Variants in MAP4K5 observed in about 807,000 individuals in gnomAD.
MAP4K5 encodes mitogen-activated protein kinase kinase kinase kinase 5, also known as MAPK/ERK kinase kinase kinase 5.
In MAP4K5, 82 loss-of-function variants were observed where a neutral mutation model predicts 135.6. That is an observed-to-expected ratio of 0.60 (90% CI 0.51 to 0.73). MAP4K5 has a LOEUF of 0.73. Among genes scored for constraint, MAP4K5 ranks in the 30% least tolerant of loss-of-function variants. The probability of loss-of-function intolerance (pLI) is 0.00; values close to 1 mark genes in which losing one functional copy is unlikely to be tolerated. For missense variants in MAP4K5, 907 were observed against 1,010.9 expected (o/e 0.90, Z 1.39); for synonymous variants, 347 against 335.0 (o/e 1.04, Z -0.39).
chr14:50,526,829 G>T (rs1441910600), intron 2 of MAP4K5, among the ~76,000 whole-genome samples: 3 of 152,132 alleles, frequency 2.0e-5, no homozygotes, highest in Non-Finnish European at 4.4e-5. Flanking sequence ...TGGAGGAAAA[G>T]AAAGTAAAGG....
At position 50,434,966 on chromosome 14, in the gene MAP4K5, A is replaced by G; in HGVS notation, c.1982T>C (p.Ile661Thr). Residue 661 changes from isoleucine to threonine, a missense_variant, in exon 27 of 33, where the codon ATA becomes ACA. This residue lies in a region of MAP4K5 where 690 missense variants were observed against 777.4 expected (regional missense o/e 0.89). Transcript: ENST00000682126. Reference protein sequence around the residue: ...WYEPMQKFMLIKHFDFPLPSP... With the variant: ...WYEPMQKFMLTKHFDFPLPSP... ...TGTGAACAAAATAATATATACCTTT[A>G]TCAACATGAATTTCTGCATTGGCTC... is the stretch of plus-strand genomic sequence containing the variant. The G allele has an allele frequency of 1.3e-6, 2 of 1,591,444 alleles. No individual in the cohort carries two copies. Among genetic ancestry groups the G allele is most frequent in the African/African-American group, 1.3e-5 (1 of 74,468 alleles).
chr14:50,530,265 C>G (rs1018805628), intron 2 of MAP4K5, among the ~76,000 whole-genome samples: 3 of 152,166 alleles, frequency 2.0e-5, no homozygotes, highest in African/African-American at 7.2e-5. Context: ...GGGTAAAAGG[C>G]AGGCATTAGC....
rs1305010901 is a variant in MAP4K5 at position 50,419,038 on chromosome 14, A to G, written c.*981T>C. 6.6e-6 allele frequency: 1 copy of G among 152,140 alleles called. No individual in the cohort carries two copies. Among genetic ancestry groups the G allele is most frequent in the South Asian group, 2.1e-4 (1 of 4,832 alleles). 9.4% of individuals were successfully genotyped at this position (152,140 alleles called of 1,614,324 possible). A position where few individuals can be genotyped will look rare whatever the true frequency, so the allele number is the denominator to read the frequency against. On this transcript the variant is annotated 3_prime_UTR_variant, in exon 33 of 33. Coordinates refer to ENST00000682126, the MANE Select transcript of MAP4K5 (RefSeq NM_006575.6). Reference sequence around the variant, plus strand: ...ACATATGTGAAAAACCCAAGATTACATGTGTAATTACTTTATAGTTTCCTC... The same window carrying G: ...ACATATGTGAAAAACCCAAGATTACGTGTGTAATTACTTTATAGTTTCCTC...
intron 1 of MAP4K5, among the ~76,000 whole-genome samples, chr14:50,547,622 A>G (rs2038650528): frequency 6.6e-6 from 1 of 152,222 alleles, no homozygotes; most frequent in Non-Finnish European, 1.5e-5. Context: ...GAACCCCTAT[A>G]ACAGCCCTGT....
intron 9 of MAP4K5, chr14:50,472,684 T>A (rs1195450126): frequency 6.6e-6 from 1 of 152,202 alleles, no homozygotes; most frequent in Non-Finnish European, 1.5e-5. Context: ...TGGGGATGCC[T>A]TTGTTTCTCT....
At chr14:50,447,510 G>A (rs1433792814) in intron 15 of MAP4K5, 29 bp from the exon 16 acceptor site, 1 of 1,329,770 alleles carries the variant, frequency 7.5e-7, no homozygotes, top group Non-Finnish European at 1.0e-6. Context: ...AGTTTAAAAT[G>A]TTACTTTGTA....
chr14:50,490,090 A>T lies in MAP4K5; in HGVS notation c.167-3896T>A, dbSNP rs111738308. On this transcript the variant is annotated intron_variant, in intron 3 of 32. Coordinates refer to ENST00000682126, the MANE Select transcript of MAP4K5 (RefSeq NM_006575.6). The stretch of plus-strand genomic sequence containing the variant: ...ATGCATGGGTGTGTGTGTGTGTGTG[A>T]GAGAGAGAGACAGACAGAGAGAGAC... 2.9e-3 allele frequency among the ~76,000 whole-genome samples: 429 copies of T among 148,020 alleles called. 2 individuals carry two copies. Among genetic ancestry groups the T allele is most frequent in the African/African-American group, 9.5e-3 (383 of 40,142 alleles).
In MAP4K5 at chr14:50,423,132, TA is replaced by T; in HGVS notation, c.2441del (p.Leu814Ter). The T allele has an allele frequency of 6.4e-7, 1 of 1,565,362 alleles. No individual in the cohort carries two copies. The highest frequency in any genetic ancestry group is 8.8e-7 in the Non-Finnish European group (1 of 1,141,406). On this transcript the variant is annotated frameshift_variant, in exon 32 of 33. Transcript: ENST00000682126. LOFTEE classifies it high-confidence loss of function. ...AACCAAACTATTACCTGTCTGATCC[TA>T]ATAAGCGGAAAACTCTTGTTTCATC... is the stretch of plus-strand genomic sequence containing the variant. ...ISDETRVFRL[L>X]GSDRVVVLES...
chr14:50,560,159 C>T, intron 1 of MAP4K5: 2 of 1,373,300 alleles, frequency 1.5e-6, no homozygotes, highest in Non-Finnish European at 1.0e-6. Flanking sequence ...TCTGAGCGAA[C>T]TGCGCCCAGC....
intron 10 of MAP4K5, among the ~76,000 whole-genome samples, chr14:50,466,946 C>T (rs45470001): frequency 7.2e-5 from 11 of 152,188 alleles, no homozygotes; most frequent in Non-Finnish European, 1.5e-4. Context: ...ATCTTAAGCA[C>T]ATGTCTATAT....
At chr14:50,550,123 C>G (rs1057055804) in intron 1 of MAP4K5, among the ~76,000 whole-genome samples, 15 of 152,148 alleles carry the variant, frequency 9.9e-5, no homozygotes, top group African/African-American at 3.6e-4. Flanking sequence ...GTCTGAGAGC[C>G]TTATGATATC....
chr14:50,443,946 T>A lies in MAP4K5; in HGVS notation c.1430A>T (p.Asp477Val). ...AATGCCTGTTATACCTACAGGGAAG[T>A]CTCGTTTGTCCTTTTTTCGTGGTAA... The part of the protein sequence containing the change: ...PQLPRKKDKR[D>V]FPKPAINGLP... The change falls in exon 19 of 33, where the codon GAC becomes GTC. Residue 477 changes from aspartate to valine, a missense_variant. Transcript: ENST00000682126. 6.2e-7 allele frequency: 1 copy of A among 1,605,196 alleles called. No homozygotes were observed. Among genetic ancestry groups the A allele is most frequent in the Non-Finnish European group, 8.5e-7 (1 of 1,174,866 alleles).
intron 1 of MAP4K5, among the ~76,000 whole-genome samples, chr14:50,555,262 TTTTTG>T (rs141877825): frequency 6.6e-6 from 1 of 151,326 alleles, no homozygotes; most frequent in African/African-American, 2.4e-5. Flanking sequence ...AGTTCCTTCA[TTTTTG>T]TTTTGTTTTG....
intron 3 of MAP4K5, among the ~76,000 whole-genome samples, chr14:50,489,184 G>A (rs1386138098): frequency 1.3e-5 from 2 of 152,036 alleles, no homozygotes; most frequent in Non-Finnish European, 2.9e-5. Flanking sequence ...GAGAGATCTC[G>A]TCTTTCCAAA....
chr14:50,444,213 A>G (rs1252435675), intron 18 of MAP4K5, among the ~76,000 whole-genome samples, 177 bp from the exon 19 acceptor site: 2 of 152,238 alleles, frequency 1.3e-5, no homozygotes, highest in East Asian at 1.9e-4. Flanking sequence ...TAGAGGTAGC[A>G]TTGCATCTTT....
At chr14:50,432,627 T>C (rs2035998964) in intron 28 of MAP4K5, among the ~76,000 whole-genome samples, 1 of 150,316 alleles carries the variant, frequency 6.7e-6, no homozygotes, top group Non-Finnish European at 1.5e-5. Context: ...AAAACAGGAC[T>C]CACTGAACTC....
chr14:50,471,003 CT>C (rs1332028845), intron 9 of MAP4K5, among the ~76,000 whole-genome samples: 1 of 152,022 alleles, frequency 6.6e-6, no homozygotes, highest in East Asian at 1.9e-4. Context: ...AATTTCTTTT[CT>C]TTTTTTCCTT....
intron 23 of MAP4K5, among the ~76,000 whole-genome samples, chr14:50,438,721 C>T (rs2036156271): frequency 1.3e-5 from 2 of 152,090 alleles, no homozygotes; most frequent in South Asian, 4.1e-4. Context: ...GTTTTATCCT[C>T]AACAAAATTA....
intron 31 of MAP4K5, among the ~76,000 whole-genome samples, chr14:50,424,071 GA>G (rs1595413149): frequency 1.3e-5 from 2 of 151,532 alleles, no homozygotes; most frequent in East Asian, 3.9e-4. Flanking sequence ...TTGTCTTCTG[GA>G]ATCTATTCCC....
Sources: gnomAD v4.1 joint callset for allele counts (sites outside exome capture counted in the v4.1 genomes callset) on GRCh38, gnomAD v4.1.1 for gene constraint, gnomAD v4.1.1 regional missense constraint, MANE v1.5 for transcripts, NCBI Gene and HGNC (gene_info 2026-07-23, HGNC 2026-07-21) for gene names.